Variants in MAP3K4 observed in about 807,000 individuals in gnomAD.
MAP3K4 encodes MAP three kinase 1.
A neutral mutation model predicts 185.6 loss-of-function variants in MAP3K4; 67 were observed. The ratio of observed to expected loss-of-function variants is 0.36; its 90% CI spans 0.30 to 0.44. The LOEUF is 0.44. Among genes scored for constraint, MAP3K4 ranks in the 20% least tolerant of loss-of-function variants. The probability of loss-of-function intolerance (pLI) is 1.00; values close to 1 mark genes in which losing one functional copy is unlikely to be tolerated. For missense variants in MAP3K4, 1,551 were observed against 1,995.1 expected (o/e 0.78, Z 4.24); for synonymous variants, 702 against 710.4 (o/e 0.99, Z 0.19).
chr6:161,097,183 G>A lies in MAP3K4; in HGVS notation c.3524+7G>A. On this transcript the variant is annotated splice_region_variant and intron_variant, in intron 16 of 26. Transcript: ENST00000392142. This position sits in a 1 kb window ranked among gnomAD's most constrained non-coding sequence, Gnocchi z 4.9. Reference sequence around the variant, plus strand: ...CCACTCCAGAGGGATTCAGGTATTTGGTGCTTATCTAGTCATTTGCTTTAC... The same window carrying A: ...CCACTCCAGAGGGATTCAGGTATTTAGTGCTTATCTAGTCATTTGCTTTAC... 1 of 1,612,688 alleles carries A rather than the reference G, an allele frequency of 6.2e-7. No homozygotes were observed. The highest frequency in any genetic ancestry group is 8.5e-7 in the Non-Finnish European group (1 of 1,178,810).
intron 1 of MAP3K4, among the ~76,000 whole-genome samples, chr6:161,029,139 T>C (rs1369455943): frequency 6.6e-6 from 1 of 151,726 alleles, no homozygotes; most frequent in Non-Finnish European, 1.5e-5. Context: ...TAGGTGGAGG[T>C]GGATGAGAGA....
In MAP3K4 at chr6:161,106,724, A is replaced by G. The variant is rs550963772; in HGVS notation, c.4048+19A>G. Reference sequence around the variant, plus strand: ...AAAATTGGTAAGGAAATTAAGGAGCATGATGTCAAGATAGTCCCTGTTAGA... The same window carrying G: ...AAAATTGGTAAGGAAATTAAGGAGCGTGATGTCAAGATAGTCCCTGTTAGA... On this transcript the variant is annotated intron_variant, in intron 20 of 26. Transcript: ENST00000392142. The surrounding 1 kb of genome is among the most constrained non-coding windows in gnomAD (Gnocchi z 4.9). 1.3e-6 allele frequency: 2 copies of G among 1,595,358 alleles called. No individual in the cohort carries two copies. The highest frequency in any genetic ancestry group is 1.1e-5 in the South Asian group (1 of 88,572).
At chr6:161,015,751 C>T (rs1207509458) in intron 1 of MAP3K4, among the ~76,000 whole-genome samples, 3 of 152,082 alleles carry the variant, frequency 2.0e-5, no homozygotes, top group African/African-American at 7.2e-5. Context: ...GTAGCGCTTG[C>T]TAGCACTCAT....
intron 3 of MAP3K4, among the ~76,000 whole-genome samples, chr6:161,055,027 T>C (rs2114777042): frequency 6.6e-6 from 1 of 152,358 alleles, no homozygotes; most frequent in Admixed American, 6.5e-5. Context: ...TTTTTCCACC[T>C]TGCTGTAATA....
Position 161,115,848 on chromosome 6 carries a change from G to A in MAP3K4, c.4806+546G>A, listed in dbSNP as rs570968090. Among the ~76,000 whole-genome samples the A allele has an allele frequency of 2.2e-4, 33 of 152,240 alleles. No homozygotes were observed. In the South Asian group the frequency reaches 6.4e-3, roughly 30 times the overall value. On this transcript the variant is annotated intron_variant, in intron 26 of 26. Coordinates refer to ENST00000392142, the MANE Select transcript of MAP3K4 (RefSeq NM_005922.4). This position sits in a 1 kb window ranked among gnomAD's most constrained non-coding sequence, Gnocchi z 6.0. ...GGGATGGTCACAGAGCCCTGTGTAG[G>A]TAGATCCTGGTGAACACAGGATGTG...
chr6:161,041,577 C>A (rs1173282720), intron 2 of MAP3K4, among the ~76,000 whole-genome samples: 1 of 152,218 alleles, frequency 6.6e-6, no homozygotes, highest in East Asian at 1.9e-4. Flanking sequence ...GGACCACGGC[C>A]ATTGCAGCAG....
intron 1 of MAP3K4, among the ~76,000 whole-genome samples, chr6:160,998,081 A>T (rs1056827226): frequency 1.3e-5 from 2 of 152,184 alleles, no homozygotes; most frequent in South Asian, 4.1e-4. Context: ...TATGTTACCC[A>T]GGCTGGATTC....
Position 161,054,929 on chromosome 6 carries a change from A to G in MAP3K4, c.1707+4950A>G, listed in dbSNP as rs548078587. 7.9e-5 allele frequency among the ~76,000 whole-genome samples: 12 copies of G among 152,212 alleles called. No homozygotes were observed. Among genetic ancestry groups the G allele is most frequent in the Middle Eastern group, 3.2e-3 (1 of 316 alleles). Reference sequence around the variant, plus strand: ...CATTTGTGGACCCAGATACAATCCAAGATCTTTTTTATATTTTCTCATTTA... The same window carrying G: ...CATTTGTGGACCCAGATACAATCCAGGATCTTTTTTATATTTTCTCATTTA... On this transcript the variant is annotated intron_variant, in intron 3 of 26. Coordinates refer to ENST00000392142, the MANE Select transcript of MAP3K4 (RefSeq NM_005922.4). The surrounding 1 kb of genome is among the most constrained non-coding windows in gnomAD (Gnocchi z 4.2).
chr6:160,997,625 A>G (rs1441881209), intron 1 of MAP3K4, among the ~76,000 whole-genome samples: 24 of 152,220 alleles, frequency 1.6e-4, no homozygotes, highest in Admixed American at 1.4e-3. Flanking sequence ...CAGAATTTGC[A>G]GAAGATGGGA....
At chr6:161,039,107 C>T (rs967335774) in intron 2 of MAP3K4, among the ~76,000 whole-genome samples, 2 of 152,006 alleles carry the variant, frequency 1.3e-5, no homozygotes, top group Non-Finnish European at 2.9e-5. Flanking sequence ...TTCCATGAGG[C>T]TGGCCCAAAT....
Position 161,076,160 on chromosome 6 carries a change from ACGTGTCCGCCTTAG to A in MAP3K4, c.2097+2549_2097+2562del, listed in dbSNP as rs954720795. On this transcript the variant is annotated intron_variant, in intron 5 of 26. Transcript: ENST00000392142. This position sits in a 1 kb window ranked among gnomAD's most constrained non-coding sequence, Gnocchi z 4.2. ...ATGAAGGTAAACCCAAGCTCTAAAT[ACGTGTCCGCCTTAG>A]GCCCAGAAGGCCCACCCAGAGATTA... Among the ~76,000 whole-genome samples the A allele has an allele frequency of 5.3e-5, 8 of 152,328 alleles. No homozygotes were observed. Among genetic ancestry groups the A allele is most frequent in the Non-Finnish European group, 8.8e-5 (6 of 68,036 alleles).
At chr6:161,050,152 A>G (rs1783936436) in intron 3 of MAP3K4, among the ~76,000 whole-genome samples, 173 bp downstream of exon 3, 1 of 152,208 alleles carries the variant, frequency 6.6e-6, no homozygotes, top group Non-Finnish European at 1.5e-5. Flanking sequence ...TAGATCTATG[A>G]AAACTGCATG....
chr6:160,994,643 G>A (rs1780908543), intron 1 of MAP3K4, among the ~76,000 whole-genome samples: 1 of 152,118 alleles, frequency 6.6e-6, no homozygotes, highest in Non-Finnish European at 1.5e-5. Context: ...TTTCCTTTGG[G>A]TAGATACTCA....
chr6:161,052,194 C>G (rs958502225), intron 3 of MAP3K4, among the ~76,000 whole-genome samples: 4 of 139,558 alleles, frequency 2.9e-5, no homozygotes, highest in African/African-American at 1.0e-4. Context: ...TCCTTCCTCT[C>G]CAGGCTCTTC....
chr6:161,018,892 G>A (rs553637346), intron 1 of MAP3K4, among the ~76,000 whole-genome samples: 12 of 152,264 alleles, frequency 7.9e-5, no homozygotes, highest in East Asian at 3.9e-4. Flanking sequence ...TGAAAAATAC[G>A]TTACGTGAAA....
In MAP3K4 at chr6:161,048,836, C is replaced by CCTCACA; in HGVS notation, c.568_569insCACTCA (p.Leu189_Ser190insThrLeu). ...CAGATGTGGATCTCAATAAGCCTTA[C>CCTCACA]CTCAGCCTTGGCTGTAGCAATGCTA... On this transcript the variant is annotated inframe_insertion, in exon 3 of 27. Coordinates refer to ENST00000392142, the MANE Select transcript of MAP3K4 (RefSeq NM_005922.4). The surrounding 1 kb of genome is among the most constrained non-coding windows in gnomAD (Gnocchi z 4.7). 6.2e-7 allele frequency: 1 copy of CCTCACA among 1,614,162 alleles called. No homozygotes were observed. The highest frequency in any genetic ancestry group is 1.1e-5 in the South Asian group (1 of 91,078).
In MAP3K4 at chr6:161,076,601, A is replaced by G. The variant is rs568576492; in HGVS notation, c.2097+2989A>G. Among the ~76,000 whole-genome samples the G allele has an allele frequency of 1.3e-4, 20 of 152,332 alleles. No homozygotes were observed. Among genetic ancestry groups the G allele is most frequent in the Non-Finnish European group, 2.5e-4 (17 of 68,040 alleles). On this transcript the variant is annotated intron_variant, in intron 5 of 26. Coordinates refer to ENST00000392142, the MANE Select transcript of MAP3K4 (RefSeq NM_005922.4). This position sits in a 1 kb window ranked among gnomAD's most constrained non-coding sequence, Gnocchi z 4.2. Reference sequence around the variant, plus strand: ...TAACCAAGACAATAAACATAATAATACATGATGTAGGAACATGTGACAGCC... The same window carrying G: ...TAACCAAGACAATAAACATAATAATGCATGATGTAGGAACATGTGACAGCC...
chr6:161,034,525 C>A lies in MAP3K4; in HGVS notation c.343+76C>A. On this transcript the variant is annotated intron_variant, in intron 2 of 26. Transcript: ENST00000392142. The surrounding 1 kb of genome is among the most constrained non-coding windows in gnomAD (Gnocchi z 4.4). ...TTGATTCTTTCAACAATAAAGTTAG[C>A]AATTTCTTTTATTTTTAATTTGATT... The A allele has an allele frequency of 2.5e-6, 3 of 1,211,388 alleles. No homozygotes were observed. The highest frequency in any genetic ancestry group is 2.2e-4 in the Middle Eastern group (1 of 4,466). 75.0% of individuals were successfully genotyped at this position (1,211,388 alleles called of 1,614,324 possible).
chr6:161,094,874 C>G (rs1777500131), intron 15 of MAP3K4, among the ~76,000 whole-genome samples: 1 of 152,136 alleles, frequency 6.6e-6, no homozygotes, highest in South Asian at 2.1e-4. Context: ...AAACACTTCT[C>G]TAAGAACACA....
Sources: gnomAD v4.1 joint callset for allele counts (sites outside exome capture counted in the v4.1 genomes callset) on GRCh38, gnomAD v4.1.1 for gene constraint, Gnocchi (gnomAD v3.1) non-coding constraint, MANE v1.5 for transcripts, NCBI Gene and HGNC (gene_info 2026-07-23, HGNC 2026-07-21) for gene names.